Variants in SKAP1 observed in about 807,000 individuals in gnomAD.
The protein encoded by SKAP1 is src kinase-associated phosphoprotein 1.
Under a neutral mutation model 58.5 loss-of-function variants are expected in SKAP1, and 44 were observed. That is an observed-to-expected ratio of 0.75 (90% confidence interval 0.59 to 0.97). SKAP1 has a LOEUF of 0.97. Ranked by LOEUF, SKAP1 falls within the 50% of genes least tolerant of loss-of-function variation. The probability of loss-of-function intolerance (pLI) is 0.00; values close to 1 mark genes in which losing one functional copy is unlikely to be tolerated. For missense variants in SKAP1, 390 were observed against 435.2 expected, an observed-to-expected ratio of 0.90 and a Z score of 0.92; for synonymous variants, 127 against 149.7, an observed-to-expected ratio of 0.85 and a Z score of 1.11.
At chr17:48,362,632 T>G (rs1469746120) in intron 3 of SKAP1, among the ~76,000 whole-genome samples, 1 of 152,236 alleles carries the variant, frequency 6.6e-6, no homozygotes, top group Non-Finnish European at 1.5e-5. Context: ...CGTAAAATAG[T>G]GTAAGTGCTC....
chr17:48,356,653 C>G (rs1446187730), intron 3 of SKAP1, among the ~76,000 whole-genome samples: 1 of 152,026 alleles, frequency 6.6e-6, no homozygotes, highest in African/African-American at 2.4e-5. Context: ...TTCTTCCTAA[C>G]CATTTATCTT....
chr17:48,163,816 G>A lies in SKAP1; in HGVS notation c.878-1247C>T, dbSNP rs187315456. Among the ~76,000 whole-genome samples the A allele has an allele frequency of 1.9e-3, 295 of 152,220 alleles. 1 individual carries two copies. Among genetic ancestry groups the A allele is most frequent in the African/African-American group, 6.6e-3 (274 of 41,526 alleles). On this transcript the variant is annotated intron_variant, in intron 10 of 12. Transcript: ENST00000336915. ...CGAGCAATTTAAATAATAAAGGCAC[G>A]GAGGGACAAAATCCCTATATGTCTC...
intron 4 of SKAP1, among the ~76,000 whole-genome samples, chr17:48,199,869 A>G (rs1362401163): frequency 2.0e-5 from 3 of 152,178 alleles, no homozygotes; most frequent in African/African-American, 7.2e-5. Context: ...AGAACGTTAT[A>G]GTACCTGGAT....
chr17:48,383,196 C>G (rs1042263752), intron 2 of SKAP1, among the ~76,000 whole-genome samples: 3 of 152,176 alleles, frequency 2.0e-5, no homozygotes, highest in Admixed American at 6.5e-5. Flanking sequence ...AAAAATCAAT[C>G]ATGGTGACTG....
intron 4 of SKAP1, among the ~76,000 whole-genome samples, chr17:48,303,822 C>G (rs2066096516): frequency 6.6e-6 from 1 of 152,100 alleles, no homozygotes; most frequent in Non-Finnish European, 1.5e-5. Flanking sequence ...TATTTTCTTG[C>G]TATCTATGAA....
chr17:48,272,161 TCTCA>T (rs994236358), intron 4 of SKAP1, among the ~76,000 whole-genome samples: 4 of 150,828 alleles, frequency 2.7e-5, no homozygotes, highest in African/African-American at 9.8e-5. Flanking sequence ...TGAGATGAAG[TCTCA>T]CTCAGTCACC....
At chr17:48,260,430 C>T (rs2065471717) in intron 4 of SKAP1, among the ~76,000 whole-genome samples, 1 of 152,096 alleles carries the variant, frequency 6.6e-6, no homozygotes, top group African/African-American at 2.4e-5. Context: ...CAACTATAAA[C>T]AAACACTAGA....
At chr17:48,239,858 G>C (rs990403317) in intron 4 of SKAP1, among the ~76,000 whole-genome samples, 2 of 151,780 alleles carry the variant, frequency 1.3e-5, no homozygotes, top group African/African-American at 4.8e-5. Context: ...GACAGAGAGA[G>C]AGAGAGAGAG....
At chr17:48,415,353 T>TA (rs1380301960) in intron 1 of SKAP1, among the ~76,000 whole-genome samples, 2 of 150,762 alleles carry the variant, frequency 1.3e-5, no homozygotes, top group Non-Finnish European at 3.0e-5. Context: ...AATTAAAAAA[T>TA]AAAAAAAAGT....
chr17:48,382,377 C>T (rs1354911284), intron 2 of SKAP1: 1 of 152,178 alleles, frequency 6.6e-6, no homozygotes, highest in Non-Finnish European at 1.5e-5. Context: ...GGGAACCACT[C>T]AGACTGTGTC....
chr17:48,274,680 G>C (rs1333055120), intron 4 of SKAP1, among the ~76,000 whole-genome samples: 1 of 150,568 alleles, frequency 6.6e-6, no homozygotes, highest in East Asian at 2.0e-4. Context: ...CGGGCAACAA[G>C]AGTGAAACTC....
At chr17:48,246,555 C>T (rs1255105995) in intron 4 of SKAP1, among the ~76,000 whole-genome samples, 2 of 152,140 alleles carry the variant, frequency 1.3e-5, no homozygotes, top group Non-Finnish European at 2.9e-5. Context: ...TACGGTTCTT[C>T]ATGGAGTTCT....
chr17:48,154,924 G>T (rs550491066), intron 11 of SKAP1, among the ~76,000 whole-genome samples: 47 of 151,606 alleles, frequency 3.1e-4, no homozygotes, highest in Non-Finnish European at 5.4e-4. Flanking sequence ...GCCAGGTGTG[G>T]TGGCTTGAGC....
chr17:48,403,308 C>T (rs1472886504), intron 1 of SKAP1, among the ~76,000 whole-genome samples: 1 of 151,858 alleles, frequency 6.6e-6, no homozygotes, highest in Non-Finnish European at 1.5e-5. Context: ...TTCAAGGTTG[C>T]AGAGAGCGGT....
intron 1 of SKAP1, among the ~76,000 whole-genome samples, chr17:48,401,917 A>G (rs1256132652): frequency 6.6e-6 from 1 of 152,226 alleles, no homozygotes; most frequent in Non-Finnish European, 1.5e-5. Flanking sequence ...AAACTCTTAT[A>G]TTTCAGTAAT....
chr17:48,225,382 A>G (rs1466448102), intron 4 of SKAP1, among the ~76,000 whole-genome samples: 1 of 152,194 alleles, frequency 6.6e-6, no homozygotes, highest in African/African-American at 2.4e-5. Flanking sequence ...ATTTGGGTAT[A>G]TAGGCTTTCT....
the SKAP1 span, among the ~76,000 whole-genome samples, chr17:48,438,462 T>C: frequency 6.6e-6 from 1 of 152,226 alleles, no homozygotes; most frequent in Admixed American, 6.5e-5. Flanking sequence ...ATAGGTATCA[T>C]TGGTTGCCAA....
At chr17:48,415,860 G>C (rs2067726192) in intron 1 of SKAP1, among the ~76,000 whole-genome samples, 1 of 152,114 alleles carries the variant, frequency 6.6e-6, no homozygotes, top group Non-Finnish European at 1.5e-5. Flanking sequence ...AGTTGGAGAG[G>C]AGGGGGATAA....
At chr17:48,408,014 A>G (rs971614072) in intron 1 of SKAP1, among the ~76,000 whole-genome samples, 3 of 152,244 alleles carry the variant, frequency 2.0e-5, no homozygotes, top group Admixed American at 1.3e-4. Flanking sequence ...AATTAGGCAG[A>G]GTAAAAAGGA....
Sources: gnomAD v4.1 joint callset for allele counts (sites outside exome capture counted in the v4.1 genomes callset) on GRCh38, gnomAD v4.1.1 for gene constraint, MANE v1.5 for transcripts, NCBI Gene and HGNC (gene_info 2026-07-23, HGNC 2026-07-21) for gene names.